The following SAMD4A variants were observed in gnomAD, a reference collection of about 807,000 sequenced individuals.
SAMD4A encodes the protein sterile alpha motif domain containing 4A.
In SAMD4A, 33 loss-of-function variants were observed where a neutral mutation model predicts 81.3. The observed-to-expected ratio is 0.41, with a 90% confidence interval of 0.31 to 0.54. The LOEUF (loss-of-function observed/expected upper bound fraction) is 0.54. Among genes scored for constraint, SAMD4A ranks in the 20% least tolerant of loss-of-function variants. SAMD4A has a pLI of 0.37. For synonymous variants in SAMD4A, 389 were observed against 382.1 expected, an observed-to-expected ratio of 1.02 and a Z score of -0.21; for missense variants, 854 against 951.1, an observed-to-expected ratio of 0.90 and a Z score of 1.34.
intron 4 of SAMD4A, among the ~76,000 whole-genome samples, chr14:54,738,523 A>G (rs1264928717): frequency 6.6e-6 from 1 of 152,142 alleles, no homozygotes; most frequent in East Asian, 1.9e-4. Context: ...TGCTGATACA[A>G]ATGGGTCTTT....
chr14:54,696,931 TGTGTCCTGAATCAG>T (rs1210782787), intron 2 of SAMD4A: 2 of 152,228 alleles, frequency 1.3e-5, no homozygotes, highest in African/African-American at 4.8e-5. Context: ...AGTTTTCCAC[TGTGTCCTGAATCAG>T]GTGATATTGG....
chr14:54,613,134 G>A (rs28480254), intron 2 of SAMD4A, among the ~76,000 whole-genome samples: 11 of 63,586 alleles, frequency 1.7e-4, no homozygotes, highest in East Asian at 6.1e-4. Context: ...AAGAGAGAGA[G>A]AGAAAGGAAG....
intron 2 of SAMD4A, among the ~76,000 whole-genome samples, chr14:54,684,141 T>C (rs1425548740): frequency 2.0e-5 from 3 of 152,208 alleles, no homozygotes; most frequent in African/African-American, 7.2e-5. Context: ...CAGAAAGGAA[T>C]TAATTTTTTT....
chr14:54,603,802 G>A (rs556372114), intron 2 of SAMD4A, among the ~76,000 whole-genome samples: 4 of 148,616 alleles, frequency 2.7e-5, no homozygotes, highest in African/African-American at 9.9e-5. Context: ...TTATTTGTTT[G>A]TTTGTTTGTT....
chr14:54,767,844 C>T (rs117403965), intron 8 of SAMD4A, among the ~76,000 whole-genome samples: 4,038 of 152,330 alleles, frequency 0.027, 71 homozygotes, highest in Middle Eastern at 0.054. Flanking sequence ...CAGCCACAAC[C>T]GAGCACCACA....
chr14:54,735,503 C>A (rs560491184), intron 3 of SAMD4A, among the ~76,000 whole-genome samples: 1 of 152,194 alleles, frequency 6.6e-6, no homozygotes, highest in African/African-American at 2.4e-5. Flanking sequence ...CCTCCCTTTT[C>A]ATTCATAAAG....
At chr14:54,621,440 G>A (rs574100003) in intron 2 of SAMD4A, among the ~76,000 whole-genome samples, 12 of 152,194 alleles carry the variant, frequency 7.9e-5, no homozygotes, top group African/African-American at 1.7e-4. Context: ...ACCTCCATCC[G>A]CTAGGCTGAA....
upstream of SAMD4A, among the ~76,000 whole-genome samples, chr14:54,566,197 C>T (rs1017958384): frequency 6.6e-6 from 1 of 151,516 alleles, no homozygotes; most frequent in African/African-American, 2.4e-5. Context: ...GCGCCGCCCG[C>T]CCCGACGGCA....
intron 2 of SAMD4A, among the ~76,000 whole-genome samples, chr14:54,678,706 T>G (rs2036057041): frequency 1.3e-5 from 2 of 151,988 alleles, no homozygotes; most frequent in Admixed American, 1.3e-4. Context: ...CCGCCATCGC[T>G]TCCGGCTAAT....
chr14:54,768,511 A>G (rs978241917), intron 8 of SAMD4A, among the ~76,000 whole-genome samples: 1 of 151,868 alleles, frequency 6.6e-6, no homozygotes. Flanking sequence ...CTGGCCCACA[A>G]CTCTCCTCCC....
intron 2 of SAMD4A, among the ~76,000 whole-genome samples, chr14:54,568,742 AT>A (rs2033040030): frequency 6.7e-5 from 7 of 104,532 alleles, no homozygotes; most frequent in South Asian, 3.4e-4. Flanking sequence ...TATATATATA[AT>A]GCGGTTAAGC....
chr14:54,739,913 T>C (rs1216328174), intron 4 of SAMD4A, among the ~76,000 whole-genome samples: 1 of 152,224 alleles, frequency 6.6e-6, no homozygotes, highest in African/African-American at 2.4e-5. Context: ...CTCACGCCTG[T>C]AATCCCAACA....
chr14:54,622,025 C>G (rs527907720), intron 2 of SAMD4A, among the ~76,000 whole-genome samples: 4 of 152,216 alleles, frequency 2.6e-5, no homozygotes, highest in African/African-American at 9.6e-5. Context: ...AAGTATTTTG[C>G]TGATTTTTCA....
Position 54,601,755 on chromosome 14 carries a change from G to T in SAMD4A, c.196+33643G>T, listed in dbSNP as rs574621876. Among the ~76,000 whole-genome samples, 110 of 152,308 alleles carry T rather than the reference G, an allele frequency of 7.2e-4. 1 individual carries two copies. Among genetic ancestry groups the T allele is most frequent in the Non-Finnish European group, 7.3e-5 (5 of 68,034 alleles). ...TGTGTTTTATTTGAATCTTGTGTCT[G>T]TGTGTAAAGAATTGCTGTTTTAGGC... On this transcript the variant is annotated intron_variant, in intron 2 of 12. Coordinates refer to ENST00000554335, the MANE Select transcript of SAMD4A (RefSeq NM_015589.6).
At position 54,689,025 on chromosome 14, in the gene SAMD4A, G is replaced by A. The variant is rs939544941; in HGVS notation, c.197-13037G>A. Among the ~76,000 whole-genome samples, 13 of 145,228 alleles carry A rather than the reference G, an allele frequency of 9.0e-5. No homozygotes were observed. In the East Asian group the frequency reaches 1.6e-3, roughly 18 times the overall value. On this transcript the variant is annotated intron_variant, in intron 2 of 12. Coordinates refer to ENST00000554335, the MANE Select transcript of SAMD4A (RefSeq NM_015589.6). ...TGGCTCACTGCAAACTCCTTCTCCC[G>A]AGTTCAAGCGATTCTTCTGCCTCAA...
At chr14:54,726,870 A>G (rs2037427841) in intron 3 of SAMD4A, among the ~76,000 whole-genome samples, 1 of 152,152 alleles carries the variant, frequency 6.6e-6, no homozygotes, top group East Asian at 1.9e-4. Flanking sequence ...GGTGGAGTGA[A>G]GAGTTTGTAT....
intron 11 of SAMD4A, among the ~76,000 whole-genome samples, chr14:54,782,744 T>TA: frequency 6.6e-6 from 1 of 152,254 alleles, no homozygotes; most frequent in Non-Finnish European, 1.5e-5. Context: ...GCCTCTGAAT[T>TA]AGCTGACAAT....
intron 11 of SAMD4A, among the ~76,000 whole-genome samples, chr14:54,777,680 G>T (rs138789830): frequency 6.6e-6 from 1 of 152,132 alleles, no homozygotes; most frequent in East Asian, 1.9e-4. Context: ...GGGGTGGGGG[G>T]GTAGGCTGGA....
chr14:54,629,641 T>G (rs1440066487), intron 2 of SAMD4A, among the ~76,000 whole-genome samples: 2 of 152,214 alleles, frequency 1.3e-5, no homozygotes, highest in African/African-American at 4.8e-5. Flanking sequence ...ATTCTGGAGA[T>G]CTCTAAGTAT....
Sources: gnomAD v4.1 joint callset for allele counts (sites outside exome capture counted in the v4.1 genomes callset) on GRCh38, gnomAD v4.1.1 for gene constraint, MANE v1.5 for transcripts, NCBI Gene and HGNC (gene_info 2026-07-23, HGNC 2026-07-21) for gene names.